Variants in MAGED1 observed in about 807,000 individuals in gnomAD.
The protein encoded by MAGED1 is melanoma-associated antigen D1.
In MAGED1, 3 loss-of-function variants were observed where a neutral mutation model predicts 54.1. The observed-to-expected ratio is 0.06, with a 90% CI of 0.03 to 0.14. The LOEUF (loss-of-function observed/expected upper bound fraction) is 0.14, where lower values mean the gene tolerates loss of function less well. Ranked by LOEUF, MAGED1 falls within the 10% of genes least tolerant of loss-of-function variation. The pLI, the probability that MAGED1 is intolerant of heterozygous loss-of-function variation, is 1.00. For missense variants in MAGED1, 485 were observed against 623.4 expected (o/e 0.78, Z 2.36); for synonymous variants, 217 against 227.3 (o/e 0.95, Z 0.41).
chrX:51,811,107 C>T (rs1429328562), intron 1 of MAGED1, among the ~76,000 whole-genome samples: 1 of 111,671 alleles, frequency 9.0e-6, no homozygotes, highest in Non-Finnish European at 1.9e-5. Context: ...ATGTCTATTT[C>T]GTGTTTTAGT....
intron 1 of MAGED1, among the ~76,000 whole-genome samples, chrX:51,808,695 T>TGA (rs1907759491): frequency 9.2e-6 from 1 of 108,318 alleles, no homozygotes; most frequent in South Asian, 3.9e-4. Context: ...GGCGACAGAG[T>TGA]GAGACCCTGC....
intron 1 of MAGED1, among the ~76,000 whole-genome samples, chrX:51,808,475 G>A (rs1417492086): frequency 4.5e-5 from 5 of 112,035 alleles, no homozygotes; most frequent in Admixed American, 2.8e-4. Flanking sequence ...TTGGGAGGCC[G>A]AGGTGGGAGG....
chrX:51,893,367 G>A (rs1222556173), upstream of MAGED1, among the ~76,000 whole-genome samples: 2 of 106,064 alleles, frequency 1.9e-5, no homozygotes, highest in Admixed American at 1.0e-4. Context: ...GGACCAAGAG[G>A]CACAGCGCAT....
At chrX:51,894,197 C>A in intron 1 of MAGED1, 72 bp from the exon 2 acceptor site, 1 of 591,436 alleles carries the variant, frequency 1.7e-6, no homozygotes, top group Non-Finnish European at 2.8e-6. Flanking sequence ...AGTCAGACCA[C>A]AGTCACCCCC....
chrX:51,881,779 A>G lies in MAGED1; in HGVS notation c.-36-12490A>G, dbSNP rs891345132. Among the ~76,000 whole-genome samples the G allele has an allele frequency of 4.9e-4, 54 of 110,346 alleles. 1 individual carries two copies. The highest frequency in any genetic ancestry group is 1.3e-4 in the Non-Finnish European group (7 of 52,694). The stretch of plus-strand genomic sequence containing the variant: ...TTTCTCCATTATCTTATTTTTCCTT[A>G]TCTTCCTAATTCCATTTACTTCCAG... On this transcript the variant is annotated intron_variant, in intron 1 of 12. Transcript: ENST00000375772.
intron 1 of MAGED1, chrX:51,857,821 C>A (rs1200088194): frequency 8.9e-6 from 1 of 112,111 alleles, no homozygotes; most frequent in East Asian, 2.8e-4. Context: ...AAAGGCATCA[C>A]CTTCTATGTA....
intron 1 of MAGED1, among the ~76,000 whole-genome samples, chrX:51,818,423 G>A (rs1602210613): frequency 9.0e-6 from 1 of 111,355 alleles, no homozygotes; most frequent in African/African-American, 3.3e-5. Flanking sequence ...GGAGGAAGGG[G>A]TAGCCTCCCG....
chrX:51,860,728 G>A (rs1489170372), intron 1 of MAGED1, among the ~76,000 whole-genome samples: 6 of 110,146 alleles, frequency 5.4e-5, no homozygotes, highest in African/African-American at 2.0e-4. Context: ...AGATTGCCCC[G>A]GGAGAGGGTG....
In MAGED1 at chrX:51,902,344, T is replaced by C. The variant is rs782734200; in HGVS notation, c.*207T>C. ...TGGTATCAGAAATAAACATTGAAAT[T>C]GCAAAGTGAATTAGATGTGCTCTCT... On this transcript the variant is annotated 3_prime_UTR_variant, in exon 13 of 13. Transcript: ENST00000326587. The C allele has an allele frequency of 8.3e-6, 1 of 120,758 alleles. No homozygotes were observed. Among genetic ancestry groups the C allele is most frequent in the African/African-American group, 3.2e-5 (1 of 31,146 alleles). 10.0% of individuals were successfully genotyped at this position (120,758 alleles called of 1,213,427 possible). A position where few individuals can be genotyped will look rare whatever the true frequency, so the allele number is the denominator to read the frequency against.
chrX:51,832,878 A>G (rs1267990513), intron 1 of MAGED1, among the ~76,000 whole-genome samples: 2 of 111,569 alleles, frequency 1.8e-5, no homozygotes, highest in African/African-American at 6.5e-5. Flanking sequence ...GGTTCTTAGC[A>G]TCTCAGTGTT....
chrX:51,806,299 T>G (rs782150830), intron 1 of MAGED1, among the ~76,000 whole-genome samples: 2 of 111,845 alleles, frequency 1.8e-5, no homozygotes, highest in Non-Finnish European at 3.8e-5. Flanking sequence ...CAAAGTGAAC[T>G]CGGCTGTGTA....
chrX:51,812,003 G>C (rs1925235969), intron 1 of MAGED1, among the ~76,000 whole-genome samples: 1 of 110,297 alleles, frequency 9.1e-6, no homozygotes, highest in Admixed American at 9.7e-5. Flanking sequence ...AACTGAGTGA[G>C]GTAGACATAG....
Position 51,824,540 on chromosome X carries a change from G to T in MAGED1, c.-37+21423G>T, listed in dbSNP as rs782160776. 1.0e-4 allele frequency among the ~76,000 whole-genome samples: 11 copies of T among 109,849 alleles called. No homozygotes were observed. In the South Asian group the frequency reaches 1.2e-3, roughly 12 times the overall value. On this transcript the variant is annotated intron_variant, in intron 1 of 12. Transcript: ENST00000375772. ...CTACTTGGTGTTTGTTTGCTTTTTA[G>T]AATGTGTATGTAAACATTTTTTCAT...
At chrX:51,858,529 T>G (rs782565016) in intron 1 of MAGED1, among the ~76,000 whole-genome samples, 27 of 112,125 alleles carry the variant, frequency 2.4e-4, no homozygotes, top group African/African-American at 8.7e-4. Flanking sequence ...ATTTCATTAA[T>G]AACAAAATTC....
chrX:51,832,745 C>G (rs1926113332), intron 1 of MAGED1, among the ~76,000 whole-genome samples: 1 of 110,872 alleles, frequency 9.0e-6, no homozygotes, highest in South Asian at 3.9e-4. Context: ...CTTCTGCATG[C>G]CTCCCCACCT....
chrX:51,803,371 C>G (rs12841213), intron 1 of MAGED1, among the ~76,000 whole-genome samples: 13,154 of 109,336 alleles, frequency 0.12, 660 homozygotes, highest in Middle Eastern at 0.15. Context: ...CCTGGTCATG[C>G]TTCACCTCTC....
At chrX:51,862,268 G>A (rs1927309685) in intron 1 of MAGED1, among the ~76,000 whole-genome samples, 1 of 111,424 alleles carries the variant, frequency 9.0e-6, no homozygotes, top group Admixed American at 9.5e-5. Flanking sequence ...AGCTCCATAA[G>A]GACACATTTT....
chrX:51,863,090 G>A (rs1416319784), intron 1 of MAGED1, among the ~76,000 whole-genome samples: 2 of 111,924 alleles, frequency 1.8e-5, no homozygotes, highest in African/African-American at 6.5e-5. Context: ...ACAACCACAA[G>A]TTTGTATCCT....
chrX:51,881,692 C>A (rs1268642362), intron 1 of MAGED1, among the ~76,000 whole-genome samples: 1 of 111,534 alleles, frequency 9.0e-6, no homozygotes, highest in Non-Finnish European at 1.9e-5. Context: ...GCTGGGATTA[C>A]AGGCATGAAC....
Sources: allele counts gnomAD v4.1 joint callset (sites outside exome capture counted in the v4.1 genomes callset), GRCh38; gene constraint gnomAD v4.1.1; transcripts MANE v1.5; gene names NCBI Gene and HGNC (gene_info 2026-07-23, HGNC 2026-07-21).